SLC14A1: variants seen among roughly 807,000 people sequenced by gnomAD.
SLC14A1 encodes solute carrier family 14 member 1 (Kidd blood group), also known as urea transporter 1.
SLC14A1 carries 36 observed loss-of-function variants against 39.6 expected under a neutral mutation model. The observed-to-expected ratio is 0.91, with a 90% CI of 0.70 to 1.20. The LOEUF (loss-of-function observed/expected upper bound fraction) is 1.20. SLC14A1 is among the 50% of genes most tolerant of loss of function. The pLI is 0.00. For synonymous variants in SLC14A1, 164 were observed against 173.6 expected (o/e 0.94, Z 0.43); for missense variants, 469 against 478.7 (o/e 0.98, Z 0.19).
chr18:45,731,135 G>A lies in SLC14A1; in HGVS notation c.272G>A (p.Trp91Ter), dbSNP rs775858393. 3 of 1,614,058 alleles carry A rather than the reference G, an allele frequency of 1.9e-6. No individual in the cohort carries two copies. The highest frequency in any genetic ancestry group is 2.7e-5 in the African/African-American group (2 of 74,920). ...ILVGLLVQNP[W>*]WALTGWLGTV... ...GTAGGACTTCTTGTTCAGAACCCCT[G>A]GTGGGCTCTCACTGGCTGGCTGGGA... Residue 91 changes from tryptophan to a stop codon, truncating the protein, a stop_gained, in exon 4 of 10, where the codon TGG (tryptophan) becomes TAG (stop). Coordinates refer to ENST00000321925, the MANE Select transcript of SLC14A1 (RefSeq NM_015865.7). LOFTEE classifies it high-confidence loss of function.
intron 2 of SLC14A1, among the ~76,000 whole-genome samples, chr18:45,728,544 G>A (rs1478030111): frequency 6.6e-6 from 1 of 152,160 alleles, no homozygotes; most frequent in East Asian, 1.9e-4. Context: ...TACAGCAGAG[G>A]CATGGGCTTA....
chr18:45,727,019 G>C, intron 2 of SLC14A1: 1 of 418,654 alleles, frequency 2.4e-6, no homozygotes, highest in Non-Finnish European at 4.4e-6. Flanking sequence ...TTTTTTTTAA[G>C]CAAAGTAAAT....
chr18:45,745,583 G>A (rs2047523901), intron 8 of SLC14A1, among the ~76,000 whole-genome samples: 1 of 152,186 alleles, frequency 6.6e-6, no homozygotes, highest in Admixed American at 6.5e-5. Flanking sequence ...GTCCTGAAAT[G>A]AATATTTTTG....
chr18:45,727,261 A>G, intron 2 of SLC14A1: 4 of 1,551,554 alleles, frequency 2.6e-6, no homozygotes, highest in Non-Finnish European at 3.5e-6. Context: ...ATGTATTGAG[A>G]AAAAGTAAGG....
intron 5 of SLC14A1, among the ~76,000 whole-genome samples, chr18:45,735,994 C>A (rs2047183038): frequency 6.6e-6 from 1 of 152,216 alleles, no homozygotes; most frequent in South Asian, 2.1e-4. Flanking sequence ...CCAGCTCACA[C>A]TACCTGCATC....
intron 5 of SLC14A1, among the ~76,000 whole-genome samples, chr18:45,735,753 G>A (rs893104161): frequency 6.6e-6 from 1 of 152,176 alleles, no homozygotes; most frequent in Non-Finnish European, 1.5e-5. Flanking sequence ...GCCTGTAAGT[G>A]CTCACCACGC....
At position 45,750,030 on chromosome 18, in the gene SLC14A1, C is replaced by A; in HGVS notation, c.*79C>A. 6.2e-7 allele frequency: 1 copy of A among 1,612,208 alleles called. No individual in the cohort carries two copies. Among genetic ancestry groups the A allele is most frequent in the South Asian group, 1.1e-5 (1 of 91,012 alleles). On this transcript the variant is annotated 3_prime_UTR_variant, in exon 10 of 10. Coordinates refer to ENST00000321925, the MANE Select transcript of SLC14A1 (RefSeq NM_015865.7). ...AGCTAACTTCCAGGGTCTCAGCAAA[C>A]TGCTGTTTTTCACGAGTATCAACTT...
Position 45,739,614 on chromosome 18 carries a change from AT to A in SLC14A1, c.899del (p.Met300SerfsTer53). ...SSLACIAMGG[M>X]FMALTWQTHL... ...TCTGGCCTGCATTGCAATGGGAGGA[AT>A]GTTCATGGCGCTCACCTGGCAAACC... On this transcript the variant is annotated frameshift_variant, in exon 8 of 10. Transcript: ENST00000321925. LOFTEE classifies it high-confidence loss of function. The A allele has an allele frequency of 6.2e-7, 1 of 1,614,176 alleles. No individual in the cohort carries two copies. The highest frequency in any genetic ancestry group is 1.1e-5 in the South Asian group (1 of 91,078).
At chr18:45,730,863 T>C (rs1022455449) in intron 3 of SLC14A1, 152 bp from the exon 4 acceptor site, 1 of 738,704 alleles carries the variant, frequency 1.4e-6, no homozygotes. Context: ...TGGGTGCCAC[T>C]AATGCAACAA....
Position 45,750,721 on chromosome 18 carries a change from T to C in SLC14A1, c.*770T>C. 1.0e-6 allele frequency: 1 copy of C among 984,836 alleles called. No individual in the cohort carries two copies. The allele number at this position is 984,836 out of a possible 1,614,324, so 61.0% of individuals were successfully genotyped here. ...TTTAAATGAGATAAAATAGGAGAAG[T>C]TCCTGGCTTAACCTGTTCTTACATA... On this transcript the variant is annotated 3_prime_UTR_variant, in exon 10 of 10. Coordinates refer to ENST00000321925, the MANE Select transcript of SLC14A1 (RefSeq NM_015865.7).
At position 45,727,420 on chromosome 18, in the gene SLC14A1, T is replaced by A. The variant is rs953137410; in HGVS notation, c.-22+2407T>A. On this transcript the variant is annotated intron_variant, in intron 2 of 9. Transcript: ENST00000321925. ...CTGGCAGATGGGTCGCAGGAACAGG[T>A]ATGCTTCCTTCGTGCAGCCTCTGGC... 1.9e-6 allele frequency: 3 copies of A among 1,539,300 alleles called. No individual in the cohort carries two copies. The African/African-American group carries it at 4.1e-5, about 21-fold the overall frequency.
chr18:45,736,125 G>T (rs1206220031), intron 5 of SLC14A1, among the ~76,000 whole-genome samples: 20 of 152,198 alleles, frequency 1.3e-4, no homozygotes, highest in Non-Finnish European at 2.9e-5. Flanking sequence ...GAGGGACAAA[G>T]GGGACTTTAA....
At chr18:45,749,187 T>C (rs1279594767) in intron 9 of SLC14A1, among the ~76,000 whole-genome samples, 1 of 152,008 alleles carries the variant, frequency 6.6e-6, no homozygotes, top group Non-Finnish European at 1.5e-5. Flanking sequence ...GCAGTCAGAT[T>C]AGGGTACCCC....
Position 45,750,607 on chromosome 18 carries a change from A to G in SLC14A1, c.*656A>G, listed in dbSNP as rs1186319182. On this transcript the variant is annotated 3_prime_UTR_variant, in exon 10 of 10. Transcript: ENST00000321925. ...CAAGAGGGAGAAAGGAATTTTGTCA[A>G]TCAAAATTATTCTGTATTGCAACTT... 1 of 986,530 alleles carries G rather than the reference A, an allele frequency of 1.0e-6. No individual in the cohort carries two copies. The highest frequency in any genetic ancestry group is 1.7e-5 in the African/African-American group (1 of 57,236). The allele number at this position is 986,530 out of a possible 1,614,324, so 61.1% of individuals were successfully genotyped here. A position where few individuals can be genotyped will look rare whatever the true frequency, so the allele number is the denominator to read the frequency against.
chr18:45,725,174 C>G (rs1205904311), intron 2 of SLC14A1, among the ~76,000 whole-genome samples, 161 bp downstream of exon 2: 1 of 152,130 alleles, frequency 6.6e-6, no homozygotes, highest in Non-Finnish European at 1.5e-5. Context: ...TCCAATTGCA[C>G]AAATTTCTAA....
chr18:45,724,667 TACA>T (rs1462572605), intron 1 of SLC14A1, among the ~76,000 whole-genome samples: 3 of 152,232 alleles, frequency 2.0e-5, no homozygotes, highest in South Asian at 2.1e-4. Context: ...GGCGAGTGTC[TACA>T]AGACTCAAAA....
chr18:45,744,225 GCTGGTCTCAAACTCC>G (rs779568750), intron 8 of SLC14A1, among the ~76,000 whole-genome samples: 8 of 152,256 alleles, frequency 5.3e-5, no homozygotes, highest in African/African-American at 9.6e-5. Context: ...TGTTGGCCAG[GCTGGTCTCAAACTCC>G]TGACCTCAAG....
At chr18:45,727,211 G>C in intron 2 of SLC14A1, 5 of 1,529,380 alleles carry the variant, frequency 3.3e-6, no homozygotes, top group Non-Finnish European at 4.4e-6. Flanking sequence ...TTAGAGCTAG[G>C]GCACACGTCA....
At chr18:45,742,488 T>C (rs1450815930) in intron 8 of SLC14A1, among the ~76,000 whole-genome samples, 1 of 151,076 alleles carries the variant, frequency 6.6e-6, no homozygotes, top group African/African-American at 2.4e-5. Flanking sequence ...GCCTCCCAAG[T>C]AGCTGGGCTT....
Sources: allele counts gnomAD v4.1 joint callset (sites outside exome capture counted in the v4.1 genomes callset), GRCh38; gene constraint gnomAD v4.1.1; transcripts MANE v1.5; gene names NCBI Gene and HGNC (gene_info 2026-07-23, HGNC 2026-07-21).